Variants in ORC4 observed in about 807,000 individuals in gnomAD.
ORC4 encodes origin recognition complex, subunit 4 homolog.
In ORC4, 55 loss-of-function variants were observed where a neutral mutation model predicts 63.9. The observed-to-expected ratio is 0.86, with a 90% CI of 0.69 to 1.08. ORC4 has a LOEUF of 1.08. ORC4 is among the 50% of genes least tolerant of loss of function. The pLI is 0.00. For synonymous variants in ORC4, 150 were observed against 168.5 expected (o/e 0.89, Z 0.85); for missense variants, 511 against 504.4 (o/e 1.01, Z -0.13).
At chr2:147,970,996 G>C (rs182084356) in intron 4 of ORC4, among the ~76,000 whole-genome samples, 2 of 152,102 alleles carry the variant, frequency 1.3e-5, no homozygotes, top group Non-Finnish European at 2.9e-5. Context: ...AATTAGCCAG[G>C]TGTGATGGTG....
intron 1 of ORC4, among the ~76,000 whole-genome samples, chr2:148,016,615 G>T (rs903900228): frequency 6.6e-6 from 1 of 152,086 alleles, no homozygotes; most frequent in Non-Finnish European, 1.5e-5. Context: ...TTTTTTCAGG[G>T]AAAATGCTTC....
chr2:147,939,467 T>C (rs1291022691), intron 10 of ORC4, among the ~76,000 whole-genome samples: 2 of 152,150 alleles, frequency 1.3e-5, no homozygotes, highest in African/African-American at 4.8e-5. Context: ...TGCTGCTCTC[T>C]CTAACCCATC....
chr2:147,973,416 T>C (rs1165349679), intron 3 of ORC4, 32 bp downstream of exon 3: 1 of 1,286,098 alleles, frequency 7.8e-7, no homozygotes, highest in Admixed American at 1.7e-5. Context: ...TGTAAGTAGG[T>C]CCATAACAGT....
intron 10 of ORC4, among the ~76,000 whole-genome samples, chr2:147,940,225 T>G (rs920814787): frequency 2.0e-5 from 3 of 152,138 alleles, no homozygotes; most frequent in Non-Finnish European, 2.9e-5. Context: ...TGGGTGGTAT[T>G]TGGTTACATG....
chr2:147,951,380 T>C (rs975743840), intron 8 of ORC4: 2 of 152,262 alleles, frequency 1.3e-5, no homozygotes, highest in African/African-American at 4.8e-5. Context: ...TGAAATTTAA[T>C]TGCCAGTGCA....
intron 1 of ORC4, among the ~76,000 whole-genome samples, chr2:148,004,788 A>G (rs978040617): frequency 1.3e-5 from 2 of 152,228 alleles, no homozygotes; most frequent in Non-Finnish European, 2.9e-5. Context: ...TTATGTGGCC[A>G]ACAAACATGT....
At chr2:147,941,921 G>C (rs1214192572) in intron 10 of ORC4, among the ~76,000 whole-genome samples, 1 of 152,084 alleles carries the variant, frequency 6.6e-6, no homozygotes, top group Non-Finnish European at 1.5e-5. Context: ...AAATTCCTCA[G>C]CAGAAGCAGC....
At chr2:147,937,938 A>C (rs748475889) in intron 13 of ORC4, 67 of 605,882 alleles carry the variant, frequency 1.1e-4, no homozygotes, top group Non-Finnish European at 1.7e-4. Context: ...AAGAGACAGC[A>C]GAGGGCAGTA....
upstream of ORC4, chr2:148,021,328 A>G: frequency 5.7e-6 from 2 of 351,956 alleles, no homozygotes; most frequent in Non-Finnish European, 5.6e-6. Flanking sequence ...TTCTTCGAAA[A>G]CCCCCATCCA....
At chr2:147,943,380 G>A (rs916800661) in intron 10 of ORC4, 56 bp downstream of exon 10, 15 of 1,165,482 alleles carry the variant, frequency 1.3e-5, no homozygotes, top group South Asian at 2.5e-5. Flanking sequence ...GTGAGACCCC[G>A]TCACTATTAA....
At chr2:147,955,487 G>T in intron 6 of ORC4, 92 bp from the exon 7 acceptor site, 1 of 855,068 alleles carries the variant, frequency 1.2e-6, no homozygotes, top group Non-Finnish European at 1.9e-6. Flanking sequence ...TATAAACACT[G>T]TATATCTTCT....
At chr2:147,960,792 G>A (rs1230276764) in intron 4 of ORC4, among the ~76,000 whole-genome samples, 1 of 152,192 alleles carries the variant, frequency 6.6e-6, no homozygotes, top group Admixed American at 6.5e-5. Flanking sequence ...GAGAGGCAGA[G>A]GCAGGAGGAC....
chr2:147,982,677 T>C (rs556413055), intron 1 of ORC4, among the ~76,000 whole-genome samples: 1 of 152,306 alleles, frequency 6.6e-6, no homozygotes, highest in African/African-American at 2.4e-5. Context: ...ATAACCTACA[T>C]AAATTTTGAC....
chr2:147,983,925 T>C (rs1691040004), intron 1 of ORC4, among the ~76,000 whole-genome samples: 1 of 152,172 alleles, frequency 6.6e-6, no homozygotes, highest in Admixed American at 6.5e-5. Flanking sequence ...TCTGAACCAC[T>C]GCCAGACAGT....
intron 4 of ORC4, among the ~76,000 whole-genome samples, chr2:147,968,157 G>T (rs926265116): frequency 1.3e-5 from 2 of 151,898 alleles, no homozygotes; most frequent in African/African-American, 4.8e-5. Flanking sequence ...ATAGATCAAA[G>T]ACCTCAATGT....
At chr2:147,979,126 A>G (rs1407478169) in intron 1 of ORC4, among the ~76,000 whole-genome samples, 1 of 152,182 alleles carries the variant, frequency 6.6e-6, no homozygotes, top group Non-Finnish European at 1.5e-5. Flanking sequence ...ATTAGGTAAG[A>G]AAAAATAAAT....
chr2:147,942,646 T>G (rs1688429846), intron 10 of ORC4, among the ~76,000 whole-genome samples: 1 of 152,150 alleles, frequency 6.6e-6, no homozygotes, highest in African/African-American at 2.4e-5. Context: ...TTATACTTAA[T>G]GGTAAAAGTT....
intron 1 of ORC4, 52 bp from the exon 2 acceptor site, chr2:147,976,027 C>G (rs1385030182): frequency 2.7e-5 from 24 of 904,360 alleles, no homozygotes; most frequent in Non-Finnish European, 4.1e-5. Flanking sequence ...AAAGAGATTA[C>G]TTAAGAATTT....
intron 1 of ORC4, among the ~76,000 whole-genome samples, chr2:148,014,230 T>C (rs986150864): frequency 6.6e-6 from 1 of 152,130 alleles, no homozygotes; most frequent in Admixed American, 6.5e-5. Flanking sequence ...AAAAGCACAT[T>C]GCCTAACAAA....
Sources: gnomAD v4.1 joint callset for allele counts (sites outside exome capture counted in the v4.1 genomes callset) on GRCh38, gnomAD v4.1.1 for gene constraint, MANE v1.5 for transcripts, NCBI Gene and HGNC (gene_info 2026-07-23, HGNC 2026-07-21) for gene names.